The following COL21A1 variants were observed in gnomAD, a reference collection of about 807,000 sequenced individuals.
COL21A1 encodes the protein collagen type XXI alpha 1 chain, also known as collagen alpha-1(XXI) chain.
COL21A1 carries 149 observed loss-of-function variants against 137.9 expected under a neutral mutation model. The observed-to-expected ratio is 1.08, with a 90% CI of 0.95 to 1.24. The LOEUF (loss-of-function observed/expected upper bound fraction) is 1.24. Ranked by LOEUF, COL21A1 falls within the 50% of genes most tolerant of loss-of-function variation. The pLI is 0.00. For synonymous variants in COL21A1, 456 were observed against 391.5 expected (o/e 1.16, Z -1.95); for missense variants, 1,167 against 1,158.4 (o/e 1.01, Z -0.11).
At chr6:56,138,401 G>C (rs779817891) in intron 12 of COL21A1, among the ~76,000 whole-genome samples, 1 of 151,612 alleles carries the variant, frequency 6.6e-6, no homozygotes, top group Non-Finnish European at 1.5e-5. Flanking sequence ...TAATGAGGAA[G>C]GGGAAGAGGA....
At chr6:56,309,098 AGTG>A (rs912977392) in intron 1 of COL21A1, among the ~76,000 whole-genome samples, 33 of 148,592 alleles carry the variant, frequency 2.2e-4, no homozygotes, top group African/African-American at 7.5e-4. Context: ...GCTGGAGTAT[AGTG>A]GTGTGATCTC....
chr6:56,325,766 T>C (rs868471889), intron 1 of COL21A1, among the ~76,000 whole-genome samples: 16 of 17,566 alleles, frequency 9.1e-4, no homozygotes, highest in African/African-American at 3.2e-3. Context: ...AAATATTATA[T>C]ATTATATATA....
At chr6:56,280,930 G>A (rs1185594960) in intron 1 of COL21A1, among the ~76,000 whole-genome samples, 1 of 152,142 alleles carries the variant, frequency 6.6e-6, no homozygotes, top group Non-Finnish European at 1.5e-5. Flanking sequence ...ACTGGAGCCT[G>A]AGAGGTTAAG....
chr6:56,268,374 G>A (rs530775205), intron 1 of COL21A1, among the ~76,000 whole-genome samples: 1 of 152,304 alleles, frequency 6.6e-6, no homozygotes, highest in Non-Finnish European at 1.5e-5. Flanking sequence ...CAGACCTGAT[G>A]AGGGAATCAT....
intron 1 of COL21A1, among the ~76,000 whole-genome samples, chr6:56,231,400 C>T (rs984284704): frequency 5.9e-5 from 9 of 151,658 alleles, no homozygotes; most frequent in Non-Finnish European, 1.2e-4. Flanking sequence ...TCTTTCCTGG[C>T]GTTATTCAGC....
rs1208542795 is a variant in COL21A1 at position 56,305,954 on chromosome 6, T to C, written c.-39+88017A>G. ...GGTGGTGACAAAATCTCTCAGCATT[T>C]GCTTGTCTGTAAAGTATTTTATTTC... On this transcript the variant is annotated intron_variant, in intron 1 of 28. Transcript: ENST00000370819. Among the ~76,000 whole-genome samples, 7 of 150,462 alleles carry C rather than the reference T, an allele frequency of 4.7e-5. No homozygotes were observed. The South Asian group carries it at 1.3e-3, about 28-fold the overall frequency.
intron 1 of COL21A1, among the ~76,000 whole-genome samples, chr6:56,367,275 T>A (rs781396068): frequency 6.6e-5 from 10 of 152,214 alleles, no homozygotes; most frequent in Non-Finnish European, 1.5e-4. Context: ...ATCTCAATAC[T>A]CTTTGCTTGC....
chr6:56,178,784 A>G (rs1288393126), intron 3 of COL21A1, among the ~76,000 whole-genome samples: 1 of 152,122 alleles, frequency 6.6e-6, no homozygotes, highest in African/African-American at 2.4e-5. Context: ...ATTTTATGAA[A>G]TGATATAAAC....
chr6:56,268,977 A>G (rs1390517029), intron 1 of COL21A1, among the ~76,000 whole-genome samples: 3 of 152,208 alleles, frequency 2.0e-5, no homozygotes, highest in Admixed American at 6.5e-5. Context: ...TCATAATACA[A>G]TTGGAAGTAT....
chr6:56,355,952 C>T (rs2152347589), intron 1 of COL21A1, among the ~76,000 whole-genome samples: 1 of 152,182 alleles, frequency 6.6e-6, no homozygotes, highest in East Asian at 1.9e-4. Context: ...ACTGAAGCTC[C>T]CAAAAAAGTG....
intron 1 of COL21A1, among the ~76,000 whole-genome samples, chr6:56,284,936 G>A (rs1456461852): frequency 6.6e-6 from 1 of 152,162 alleles, no homozygotes; most frequent in Non-Finnish European, 1.5e-5. Context: ...CATTTAGGAT[G>A]GCATTTGGGC....
chr6:56,351,268 A>C (rs1303859015), intron 1 of COL21A1, among the ~76,000 whole-genome samples: 1 of 152,230 alleles, frequency 6.6e-6, no homozygotes, highest in Admixed American at 6.5e-5. Flanking sequence ...CTTAACAAAT[A>C]TTTTTGTAGT....
intron 1 of COL21A1, among the ~76,000 whole-genome samples, chr6:56,348,157 C>T (rs1221517219): frequency 1.3e-5 from 2 of 152,080 alleles, no homozygotes; most frequent in Admixed American, 6.6e-5. Flanking sequence ...TACATGGGGC[C>T]ATGTGCTTTA....
intron 6 of COL21A1, among the ~76,000 whole-genome samples, 155 bp downstream of exon 6, chr6:56,167,969 T>C (rs1248260361): frequency 6.6e-6 from 1 of 152,180 alleles, no homozygotes; most frequent in Non-Finnish European, 1.5e-5. Context: ...CATATACATA[T>C]GCATAATTTC....
intron 1 of COL21A1, among the ~76,000 whole-genome samples, chr6:56,350,877 T>C (rs1375639336): frequency 6.6e-6 from 1 of 152,112 alleles, no homozygotes; most frequent in African/African-American, 2.4e-5. Context: ...CTACCGGAGG[T>C]CCCCGTTTCT....
intron 17 of COL21A1, among the ~76,000 whole-genome samples, chr6:56,097,935 A>G (rs1382321885): frequency 0.068 from 3,268 of 47,894 alleles, 779 homozygotes; most frequent in East Asian, 0.27. Context: ...ATAAATATAT[A>G]AAAATATATA....
chr6:56,243,484 A>G (rs947776703), intron 1 of COL21A1, among the ~76,000 whole-genome samples: 3 of 152,188 alleles, frequency 2.0e-5, no homozygotes, highest in African/African-American at 7.2e-5. Context: ...CAAATTAATA[A>G]CCTAAATTAC....
chr6:56,142,256 A>C (rs561653564), intron 10 of COL21A1, among the ~76,000 whole-genome samples: 1 of 152,298 alleles, frequency 6.6e-6, no homozygotes, highest in Non-Finnish European at 1.5e-5. Context: ...TAATGTTCAC[A>C]GTTTCTTAAG....
rs534861885 is a variant in COL21A1, at chr6:56,172,051, T to C, written c.641-923A>G. ...CAACACCATCAAGCATACCAATATA[T>C]GCATTTTGCGAGTTCCAGAAAAAAA... On this transcript the variant is annotated intron_variant, in intron 3 of 29. Coordinates refer to ENST00000244728, the MANE Select transcript of COL21A1 (RefSeq NM_030820.4). Among the ~76,000 whole-genome samples the C allele has an allele frequency of 1.3e-3, 187 of 140,042 alleles. 2 individuals carry two copies. The highest frequency in any genetic ancestry group is 2.3e-3 in the Non-Finnish European group (148 of 65,774). The allele number at this position is 140,042 out of a possible 152,430, so 91.9% of individuals were successfully genotyped here. A position where few individuals can be genotyped will look rare whatever the true frequency, so the allele number is the denominator to read the frequency against.
Sources: allele counts gnomAD v4.1 joint callset (sites outside exome capture counted in the v4.1 genomes callset), GRCh38; gene constraint gnomAD v4.1.1; transcripts MANE v1.5; gene names NCBI Gene and HGNC (gene_info 2026-07-23, HGNC 2026-07-21).